The following KIAA1217 variants were observed in gnomAD, a reference collection of about 807,000 sequenced individuals.
KIAA1217 encodes KIAA1217.
Under a neutral mutation model 163.9 loss-of-function variants are expected in KIAA1217, and 88 were observed. The observed-to-expected ratio is 0.54, with a 90% CI of 0.45 to 0.64. KIAA1217 has a LOEUF of 0.64. Among genes scored for constraint, KIAA1217 ranks in the 30% least tolerant of loss-of-function variants. KIAA1217 has a pLI of 0.00. For missense variants in KIAA1217, 2,372 were observed against 2,475.0 expected (o/e 0.96, Z 0.88); for synonymous variants, 903 against 923.1 (o/e 0.98, Z 0.39).
intron 1 of KIAA1217, among the ~76,000 whole-genome samples, chr10:23,754,167 ACTC>A (rs1439626371): frequency 6.6e-6 from 1 of 152,170 alleles, no homozygotes; most frequent in Non-Finnish European, 1.5e-5. Context: ...TTTAAGAGAC[ACTC>A]AATATTTGTT....
intron 1 of KIAA1217, among the ~76,000 whole-genome samples, chr10:23,729,482 T>C (rs6482328): frequency 0.22 from 33,208 of 152,092 alleles, 3,867 homozygotes; most frequent in Middle Eastern, 0.29. Context: ...GTTCTATATT[T>C]TGACTATTTT....
intron 2 of KIAA1217, among the ~76,000 whole-genome samples, chr10:24,298,707 A>C (rs1477925993): frequency 1.3e-5 from 2 of 152,194 alleles, no homozygotes; most frequent in African/African-American, 4.8e-5. Flanking sequence ...CTGAGGCAGG[A>C]GAATCACTTG....
intron 2 of KIAA1217, among the ~76,000 whole-genome samples, chr10:24,013,654 A>G (rs999910656): frequency 1.3e-5 from 2 of 152,164 alleles, no homozygotes; most frequent in African/African-American, 4.8e-5. Flanking sequence ...AATGTGACTC[A>G]GAAATGTCCT....
intron 2 of KIAA1217, among the ~76,000 whole-genome samples, chr10:24,370,578 GT>G (rs1271494897): frequency 6.6e-6 from 1 of 152,146 alleles, no homozygotes; most frequent in Non-Finnish European, 1.5e-5. Flanking sequence ...TATTCTTCAT[GT>G]GGCTTTTGTT....
intron 2 of KIAA1217, among the ~76,000 whole-genome samples, chr10:24,078,299 C>T (rs2061430970): frequency 1.3e-5 from 2 of 152,146 alleles, no homozygotes; most frequent in Admixed American, 6.6e-5. Flanking sequence ...GCCGCAAGTG[C>T]AGAGGGTAAA....
chr10:23,750,606 A>G (rs899822900), intron 1 of KIAA1217, among the ~76,000 whole-genome samples: 2 of 152,124 alleles, frequency 1.3e-5, no homozygotes, highest in African/African-American at 4.8e-5. Context: ...CTCCATCACT[A>G]GACAGAATGA....
At chr10:24,141,650 A>T (rs1251864534) in intron 2 of KIAA1217, among the ~76,000 whole-genome samples, 1 of 152,190 alleles carries the variant, frequency 6.6e-6, no homozygotes, top group Non-Finnish European at 1.5e-5. Context: ...GACGAAGATC[A>T]CACTGGACAC....
rs139879348 is a variant in KIAA1217 at position 24,508,493 on chromosome 10, G to A, written c.2002-4766G>A. 4.6e-5 allele frequency among the ~76,000 whole-genome samples: 7 copies of A among 152,276 alleles called. No homozygotes were observed. In the East Asian group the frequency reaches 7.7e-4, roughly 17 times the overall value. ...TGTACTGAAGATTGTAGCAAGTTCA[G>A]TATGGCTAGAGAAAGAAATAGAGTC... On this transcript the variant is annotated intron_variant, in intron 9 of 20. Coordinates refer to ENST00000376454, the MANE Select transcript of KIAA1217 (RefSeq NM_019590.5).
intron 3 of KIAA1217, among the ~76,000 whole-genome samples, chr10:24,422,105 G>T (rs1050833597): frequency 6.6e-6 from 1 of 152,048 alleles, no homozygotes; most frequent in Admixed American, 6.6e-5. Flanking sequence ...TTGTGTAGGG[G>T]AACTCCCTTT....
chr10:23,992,455 A>G (rs576147475), intron 1 of KIAA1217, among the ~76,000 whole-genome samples: 1 of 152,270 alleles, frequency 6.6e-6, no homozygotes, highest in African/African-American at 2.4e-5. Flanking sequence ...CAGGAGAGGG[A>G]TGGAGGCTGA....
At position 24,473,379 on chromosome 10, in the gene KIAA1217, G is replaced by A. The variant is rs1459626846; in HGVS notation, c.998G>A (p.Gly333Glu). 6.2e-7 allele frequency: 1 copy of A among 1,611,930 alleles called. No homozygotes were observed. Among genetic ancestry groups the A allele is most frequent in the Non-Finnish European group, 8.5e-7 (1 of 1,178,842 alleles). ...MPPSPSRIPYGGTRSMVVPGN... is the reference protein window; with the variant it reads ...MPPSPSRIPYEGTRSMVVPGN... ...CCCTCCCCGTCCAGAATTCCTTATG[G>A]GGGCACCCGCTCCATGGTTGTTCCT... The change falls in exon 6 of 21, where the codon GGG becomes GAG. Residue 333 changes from glycine (G) to glutamate (E), a missense_variant. By Grantham distance (98) the Gly-to-Glu change is moderately conservative. This residue lies in a region of KIAA1217 where 1,431 missense variants were observed against 1,470.3 expected (regional missense o/e 0.97). Coordinates refer to ENST00000376454, the MANE Select transcript of KIAA1217 (RefSeq NM_019590.5).
intron 1 of KIAA1217, among the ~76,000 whole-genome samples, chr10:23,814,841 G>A (rs575479814): frequency 6.6e-6 from 1 of 151,936 alleles, no homozygotes; most frequent in East Asian, 1.9e-4. Context: ...TCACTTAAGA[G>A]TCTGATTTAA....
At chr10:24,389,559 AAAAG>A (rs1015702408) in intron 3 of KIAA1217, among the ~76,000 whole-genome samples, 15 of 151,938 alleles carry the variant, frequency 9.9e-5, no homozygotes, top group African/African-American at 2.4e-4. Flanking sequence ...ATAAAAAAAA[AAAAG>A]AAAGAAAGAA....
chr10:24,250,623 A>ATGG (rs1564343207), intron 2 of KIAA1217, among the ~76,000 whole-genome samples: 1 of 24,508 alleles, frequency 4.1e-5, no homozygotes, highest in African/African-American at 1.9e-4. Context: ...TGTATTGTTA[A>ATGG]TAGAGACGGA....
intron 5 of KIAA1217, chr10:24,449,872 A>C: frequency 7.7e-6 from 3 of 388,818 alleles, no homozygotes; most frequent in Non-Finnish European, 1.1e-5. Context: ...TCAATGCAAT[A>C]GGCGATTGCA....
intron 2 of KIAA1217, among the ~76,000 whole-genome samples, chr10:24,146,780 C>T (rs1011062129): frequency 6.6e-6 from 1 of 152,152 alleles, no homozygotes; most frequent in African/African-American, 2.4e-5. Context: ...CTAGGATAAT[C>T]CACCTTTCCA....
chr10:24,335,892 G>GTC (rs2046300326), intron 2 of KIAA1217, among the ~76,000 whole-genome samples: 1 of 152,216 alleles, frequency 6.6e-6, no homozygotes, highest in Admixed American at 6.5e-5. Flanking sequence ...GATTATAGGC[G>GTC]TCAGCCACTG....
At chr10:24,212,711 G>A (rs1028374076) in intron 1 of KIAA1217, among the ~76,000 whole-genome samples, 5 of 152,176 alleles carry the variant, frequency 3.3e-5, no homozygotes, top group South Asian at 2.1e-4. Context: ...CACCCATAAC[G>A]TTCATTTCTA....
intron 1 of KIAA1217, among the ~76,000 whole-genome samples, chr10:23,817,419 A>G (rs1365381515): frequency 1.3e-5 from 2 of 152,232 alleles, no homozygotes; most frequent in Non-Finnish European, 2.9e-5. Flanking sequence ...TGGCAATTCT[A>G]TCATAAAATC....
Sources: gnomAD v4.1 joint callset for allele counts (sites outside exome capture counted in the v4.1 genomes callset) on GRCh38, gnomAD v4.1.1 for gene constraint, gnomAD v4.1.1 regional missense constraint, MANE v1.5 for transcripts, NCBI Gene and HGNC (gene_info 2026-07-23, HGNC 2026-07-21) for gene names.